The following CSPP1 variants were observed in gnomAD, a reference collection of about 807,000 sequenced individuals.
The protein encoded by CSPP1 is centrosome and spindle pole associated protein 1, also known as centrosome and spindle pole-associated protein 1.
Under a neutral mutation model 164.4 loss-of-function variants are expected in CSPP1, and 126 were observed. The ratio of observed to expected loss-of-function variants is 0.77; its 90% CI spans 0.66 to 0.89. The LOEUF is 0.89. Among genes scored for constraint, CSPP1 ranks in the 40% least tolerant of loss-of-function variants. The probability of loss-of-function intolerance (pLI) is 0.00; values close to 1 mark genes in which losing one functional copy is unlikely to be tolerated. For missense variants in CSPP1, 1,395 were observed against 1,449.8 expected, an observed-to-expected ratio of 0.96 and a Z score of 0.61; for synonymous variants, 472 against 476.7, an observed-to-expected ratio of 0.99 and a Z score of 0.13.
intron 25 of CSPP1, chr8:67,174,905 T>C (rs913825389): frequency 3.6e-5 from 6 of 167,152 alleles, no homozygotes; most frequent in African/African-American, 1.4e-4. Flanking sequence ...CAGTATATTT[T>C]AGAGATCAGC....
rs867105590 is a variant in CSPP1, at chr8:67,193,429, T to G, written c.3331-35T>G. 2.3e-5 allele frequency: 36 copies of G among 1,593,564 alleles called. 1 individual carries two copies. The Middle Eastern group carries it at 2.8e-3, about 125-fold the overall frequency. ...ACTGATTTGTGAACATATTTTGTGT[T>G]AATGACTTTCTGAAGTTCTGTTTTC... On this transcript the variant is annotated intron_variant, in intron 29 of 30. Coordinates refer to ENST00000678616, the MANE Select transcript of CSPP1 (RefSeq NM_001382391.1).
chr8:67,107,047 G>T (rs1009564152), intron 9 of CSPP1, among the ~76,000 whole-genome samples: 42 of 142,044 alleles, frequency 3.0e-4, no homozygotes, highest in East Asian at 1.2e-3. Flanking sequence ...CTTATGTTTT[G>T]TTTTTTTTTT....
chr8:67,076,667 T>C (rs1300882971), intron 3 of CSPP1, 86 bp downstream of exon 3: 3 of 689,558 alleles, frequency 4.4e-6, no homozygotes, highest in Non-Finnish European at 7.1e-6. Flanking sequence ...AAAAAAAGAT[T>C]TATTTGGAAT....
intron 17 of CSPP1, among the ~76,000 whole-genome samples, chr8:67,147,732 A>C (rs1386332002): frequency 1.3e-5 from 2 of 151,316 alleles, no homozygotes; most frequent in Non-Finnish European, 2.9e-5. Context: ...TTGGATGTGC[A>C]TTATGAACTA....
At position 67,195,686 on chromosome 8, in the gene CSPP1, A is replaced by G. The variant is rs1837797148; in HGVS notation, c.*93A>G. 9.7e-7 allele frequency: 1 copy of G among 1,025,840 alleles called. No homozygotes were observed. Among genetic ancestry groups the G allele is most frequent in the Non-Finnish European group, 1.4e-6 (1 of 692,892 alleles). 63.5% of individuals were successfully genotyped at this position (1,025,840 alleles called of 1,614,324 possible). ...ATGTCCTACTTTTGGCCCCTACCTGAAAGTTACTTTTTTTCCATCATCTGT... is the reference window on the plus strand; with the variant it reads ...ATGTCCTACTTTTGGCCCCTACCTGGAAGTTACTTTTTTTCCATCATCTGT... On this transcript the variant is annotated 3_prime_UTR_variant, in exon 31 of 31. Coordinates refer to ENST00000678616, the MANE Select transcript of CSPP1 (RefSeq NM_001382391.1).
intron 4 of CSPP1, among the ~76,000 whole-genome samples, chr8:67,089,029 A>G (rs1241277098): frequency 2.6e-5 from 4 of 152,164 alleles, no homozygotes; most frequent in Non-Finnish European, 5.9e-5. Flanking sequence ...TACACAGACT[A>G]TAGGGAGCTG....
chr8:67,131,826 T>A, intron 15 of CSPP1, 125 bp from the exon 16 acceptor site: 6 of 807,172 alleles, frequency 7.4e-6, no homozygotes, highest in Non-Finnish European at 9.1e-6. Flanking sequence ...CTCTTTGGCC[T>A]ATAGAGAAAT....
intron 28 of CSPP1, among the ~76,000 whole-genome samples, chr8:67,182,340 A>T (rs1669841377): frequency 6.6e-6 from 1 of 151,986 alleles, no homozygotes; most frequent in Non-Finnish European, 1.5e-5. Context: ...TGCTGTGAAT[A>T]ATATTCCATT....
At chr8:67,122,896 TTGTGTGTG>T (rs143103294) in intron 15 of CSPP1, among the ~76,000 whole-genome samples, 1 of 142,328 alleles carries the variant, frequency 7.0e-6, no homozygotes, top group Non-Finnish European at 1.6e-5. Flanking sequence ...GTGTGTGTGT[TTGTGTGTG>T]TGTGTGTTCT....
chr8:67,166,438 G>A (rs959227373), intron 24 of CSPP1, among the ~76,000 whole-genome samples: 4 of 152,152 alleles, frequency 2.6e-5, no homozygotes, highest in African/African-American at 7.2e-5. Context: ...AACATAGCAC[G>A]TTAATTTGAC....
At chr8:67,180,872 A>G (rs1256884294) in intron 28 of CSPP1, among the ~76,000 whole-genome samples, 2 of 152,048 alleles carry the variant, frequency 1.3e-5, no homozygotes, top group African/African-American at 4.8e-5. Context: ...TTTTTAAAGT[A>G]GTATACACTT....
chr8:67,196,048 TATTAATTA>T lies in CSPP1; in HGVS notation c.*460_*467del, dbSNP rs60225155. 1 of 154,752 alleles carries T rather than the reference TATTAATTA, an allele frequency of 6.5e-6. No individual in the cohort carries two copies. The highest frequency in any genetic ancestry group is 2.4e-5 in the African/African-American group (1 of 41,436). 9.6% of individuals were successfully genotyped at this position (154,752 alleles called of 1,614,324 possible). On this transcript the variant is annotated 3_prime_UTR_variant, in exon 31 of 31. Coordinates refer to ENST00000678616, the MANE Select transcript of CSPP1 (RefSeq NM_001382391.1). ...TTCTGTGTGATGCAATCAAATGTCC[TATTAATTA>T]ATTATTATTTCATGTCATTTGTAGC...
chr8:67,075,989 T>C (rs977783151), intron 2 of CSPP1, among the ~76,000 whole-genome samples: 2 of 152,202 alleles, frequency 1.3e-5, no homozygotes, highest in Non-Finnish European at 1.5e-5. Flanking sequence ...TAACATTAAT[T>C]TGTACATAAA....
intron 6 of CSPP1, among the ~76,000 whole-genome samples, chr8:67,094,107 G>A (rs1446747230): frequency 4.5e-5 from 4 of 89,354 alleles, no homozygotes; most frequent in Non-Finnish European, 5.8e-5. Flanking sequence ...GTGACAGAGC[G>A]AGACCTGGTC....
At chr8:67,123,401 T>G (rs1819377481) in intron 15 of CSPP1, among the ~76,000 whole-genome samples, 1 of 152,202 alleles carries the variant, frequency 6.6e-6, no homozygotes. Flanking sequence ...AATGTTGCTG[T>G]TCTGGTTCTC....
Position 67,131,973 on chromosome 8 carries a change from C to T in CSPP1, c.1720C>T (p.Leu574=), listed in dbSNP as rs748695761. 6.2e-7 allele frequency: 1 copy of T among 1,611,378 alleles called. No homozygotes were observed. Among genetic ancestry groups the T allele is most frequent in the South Asian group, 1.1e-5 (1 of 90,564 alleles). Residue 574 remains leucine (L), a synonymous_variant, in exon 16 of 31, where the codon CTG becomes TTG. Coordinates refer to ENST00000678616, the MANE Select transcript of CSPP1 (RefSeq NM_001382391.1). ...TAGGAATACGGTTGGACAGAATGAA[C>T]TGAAGATTACAAGTGATCAAGTGAT... The part of the protein sequence containing the change: ...PVVNTVGQNE[L]KITSDQVINS...
At chr8:67,092,078 C>T (rs1027677480) in intron 5 of CSPP1, among the ~76,000 whole-genome samples, 195 bp downstream of exon 5, 5 of 152,108 alleles carry the variant, frequency 3.3e-5, no homozygotes, top group African/African-American at 1.2e-4. Context: ...CATTTGTAAC[C>T]ATATAATTTT....
At chr8:67,145,591 T>G (rs1039790668) in intron 17 of CSPP1, among the ~76,000 whole-genome samples, 1 of 151,932 alleles carries the variant, frequency 6.6e-6, no homozygotes, top group African/African-American at 2.4e-5. Context: ...TGGCACAATC[T>G]CGGCTCACTG....
At chr8:67,159,914 TTC>T (rs1421435826) in intron 21 of CSPP1, among the ~76,000 whole-genome samples, 1 of 62,966 alleles carries the variant, frequency 1.6e-5, no homozygotes, top group South Asian at 6.5e-4. Context: ...CTTTCTTTCT[TTC>T]TTTCTTTCCT....
Sources: gnomAD v4.1 joint callset for allele counts (sites outside exome capture counted in the v4.1 genomes callset) on GRCh38, gnomAD v4.1.1 for gene constraint, MANE v1.5 for transcripts, NCBI Gene and HGNC (gene_info 2026-07-23, HGNC 2026-07-21) for gene names.